PRELID2: variants seen among roughly 807,000 people sequenced by gnomAD.
PRELID2 encodes the protein PRELI domain containing 2, also known as PRELI domain-containing protein 2.
In PRELID2, 25 loss-of-function variants were observed where a neutral mutation model predicts 28.4. That is an observed-to-expected ratio of 0.88 (90% CI 0.64 to 1.23). PRELID2 has a LOEUF of 1.23. Ranked by LOEUF, PRELID2 falls within the 50% of genes most tolerant of loss-of-function variation. The probability of loss-of-function intolerance (pLI) is 0.00; values close to 1 mark genes in which losing one functional copy is unlikely to be tolerated. For synonymous variants in PRELID2, 76 were observed against 71.6 expected (o/e 1.06, Z -0.31); for missense variants, 201 against 214.4 (o/e 0.94, Z 0.39).
intron 1 of PRELID2, among the ~76,000 whole-genome samples, chr5:145,720,149 G>A (rs540589073): frequency 6.6e-6 from 1 of 151,466 alleles, no homozygotes; most frequent in Admixed American, 6.6e-5. Flanking sequence ...TGAACTCTCT[G>A]AAAAAGAAAA....
chr5:145,787,308 C>T (rs1752059390), intron 5 of PRELID2, among the ~76,000 whole-genome samples: 1 of 152,134 alleles, frequency 6.6e-6, no homozygotes, highest in African/African-American at 2.4e-5. Flanking sequence ...CTAAGCCTCC[C>T]CAGAGAAGCA....
chr5:145,281,284 C>T, the PRELID2 span, among the ~76,000 whole-genome samples: 1 of 152,178 alleles, frequency 6.6e-6, no homozygotes, highest in African/African-American at 2.4e-5. Flanking sequence ...GTTTATCTCT[C>T]AGACCTGGAA....
At chr5:145,561,364 G>A (rs149547963) in intron 1 of PRELID2, among the ~76,000 whole-genome samples, 5 of 151,796 alleles carry the variant, frequency 3.3e-5, no homozygotes, top group African/African-American at 7.3e-5. Flanking sequence ...AGTGAGTGCC[G>A]ACAAGAATGA....
chr5:145,663,845 A>C (rs1754539390), intron 1 of PRELID2, among the ~76,000 whole-genome samples: 2 of 152,102 alleles, frequency 1.3e-5, no homozygotes, highest in Non-Finnish European at 2.9e-5. Flanking sequence ...AATTGAAGAG[A>C]TTCCTATAAT....
intron 1 of PRELID2, among the ~76,000 whole-genome samples, chr5:145,525,567 A>G (rs1416978431): frequency 1.3e-5 from 2 of 152,174 alleles, no homozygotes; most frequent in South Asian, 2.1e-4. Context: ...ACAGTCTCCA[A>G]ATATGATCAG....
chr5:145,773,587 T>A (rs1359344438), intron 5 of PRELID2, among the ~76,000 whole-genome samples: 2 of 152,218 alleles, frequency 1.3e-5, no homozygotes. Flanking sequence ...CCTTAGTCCA[T>A]CTGTGCTTAA....
chr5:145,567,356 G>C (rs1463752062), intron 1 of PRELID2, among the ~76,000 whole-genome samples: 2 of 151,530 alleles, frequency 1.3e-5, no homozygotes, highest in East Asian at 3.9e-4. Flanking sequence ...GTTTGGTTTG[G>C]TTTGGTTTGG....
the PRELID2 span, among the ~76,000 whole-genome samples, chr5:145,358,371 C>A: frequency 6.6e-6 from 1 of 152,044 alleles, no homozygotes; most frequent in South Asian, 2.1e-4. Context: ...TAGGCTTGAG[C>A]TCTGCAGCCA....
At chr5:145,545,542 T>C (rs1159993719) in intron 1 of PRELID2, among the ~76,000 whole-genome samples, 1 of 152,188 alleles carries the variant, frequency 6.6e-6, no homozygotes, top group African/African-American at 2.4e-5. Context: ...GTCAAATTCT[T>C]TGAGGACTTG....
the PRELID2 span, among the ~76,000 whole-genome samples, chr5:145,296,232 G>T: frequency 6.6e-6 from 1 of 151,178 alleles, no homozygotes; most frequent in Admixed American, 6.6e-5. Flanking sequence ...GGGTACATGT[G>T]CACAATGTGC....
At chr5:145,702,540 G>C (rs1457874081) in intron 1 of PRELID2, among the ~76,000 whole-genome samples, 1 of 152,016 alleles carries the variant, frequency 6.6e-6, no homozygotes, top group Non-Finnish European at 1.5e-5. Context: ...AAGAAAGAAA[G>C]AAAAAAACTC....
chr5:145,539,855 G>T (rs1752731803), intron 1 of PRELID2, among the ~76,000 whole-genome samples: 1 of 151,622 alleles, frequency 6.6e-6, no homozygotes, highest in African/African-American at 2.4e-5. Flanking sequence ...ACATTTTATA[G>T]TATTTTTACA....
intron 1 of PRELID2, among the ~76,000 whole-genome samples, chr5:145,574,327 C>A (rs560903787): frequency 2.0e-5 from 3 of 152,280 alleles, no homozygotes; most frequent in African/African-American, 7.2e-5. Context: ...TTTAGTTCAG[C>A]GAGATCCATG....
At chr5:145,683,962 G>C (rs1754987698) in intron 1 of PRELID2, among the ~76,000 whole-genome samples, 1 of 152,124 alleles carries the variant, frequency 6.6e-6, no homozygotes, top group African/African-American at 2.4e-5. Context: ...AGGTTTGTAA[G>C]CAGAGCGACA....
intron 1 of PRELID2, among the ~76,000 whole-genome samples, chr5:145,746,271 AT>A (rs1229451365): frequency 6.6e-6 from 1 of 152,178 alleles, no homozygotes; most frequent in Non-Finnish European, 1.5e-5. Context: ...CAGGAGACCA[AT>A]CTCACATGCA....
At chr5:145,249,183 T>C in the PRELID2 span, among the ~76,000 whole-genome samples, 1 of 152,170 alleles carries the variant, frequency 6.6e-6, no homozygotes, top group African/African-American at 2.4e-5. Flanking sequence ...CTCATGTCTT[T>C]GCTTTTGCAA....
chr5:145,291,504 G>T, the PRELID2 span, among the ~76,000 whole-genome samples: 2 of 152,032 alleles, frequency 1.3e-5, no homozygotes, highest in African/African-American at 4.8e-5. Context: ...GCGAGGATAG[G>T]ACTGCCAACA....
chr5:145,300,892 T>C, the PRELID2 span, among the ~76,000 whole-genome samples: 2 of 151,970 alleles, frequency 1.3e-5, no homozygotes, highest in African/African-American at 2.4e-5. Flanking sequence ...ATGATTTATA[T>C]GATTTTTAAG....
chr5:145,556,906 A>AT (rs1365248964), intron 1 of PRELID2, among the ~76,000 whole-genome samples: 5 of 152,102 alleles, frequency 3.3e-5, no homozygotes, highest in African/African-American at 9.6e-5. Flanking sequence ...CATCTCCAGC[A>AT]TTTTTTCTTT....
Sources: gnomAD v4.1 joint callset for allele counts (sites outside exome capture counted in the v4.1 genomes callset) on GRCh38, gnomAD v4.1.1 for gene constraint, MANE v1.5 for transcripts, NCBI Gene and HGNC (gene_info 2026-07-23, HGNC 2026-07-21) for gene names.